The following DUSP29 variants were observed in gnomAD, a reference collection of about 807,000 sequenced individuals.
DUSP29 encodes the protein atypical dual-specific protein phosphatase.
A neutral mutation model predicts 13.5 loss-of-function variants in DUSP29; 12 were observed. The observed-to-expected ratio is 0.89, with a 90% CI of 0.57 to 1.44. The LOEUF (loss-of-function observed/expected upper bound fraction) is 1.44. Ranked by LOEUF, DUSP29 falls within the 40% of genes most tolerant of loss-of-function variation. The probability of loss-of-function intolerance (pLI) is 0.00; values close to 1 mark genes in which losing one functional copy is unlikely to be tolerated. For synonymous variants in DUSP29, 134 were observed against 128.7 expected (o/e 1.04, Z -0.28); for missense variants, 308 against 301.1 (o/e 1.02, Z -0.17).
chr10:75,059,884 C>T (rs897184636), intron 1 of DUSP29, among the ~76,000 whole-genome samples: 1 of 152,164 alleles, frequency 6.6e-6, no homozygotes, highest in Non-Finnish European at 1.5e-5. Flanking sequence ...GAAGGCCAGG[C>T]GCGGTGGCTC....
chr10:75,056,647 A>G (rs1253305298), intron 2 of DUSP29, among the ~76,000 whole-genome samples: 5 of 151,826 alleles, frequency 3.3e-5, no homozygotes, highest in Non-Finnish European at 7.4e-5. Flanking sequence ...AGCCTGGGTG[A>G]CAGAGGGAGA....
At position 75,050,856 on chromosome 10, in the gene DUSP29, G is replaced by A. The variant is rs539854385; in HGVS notation, c.201-6839C>T. Among the ~76,000 whole-genome samples the A allele has an allele frequency of 4.6e-5, 7 of 152,326 alleles. No individual in the cohort carries two copies. In the East Asian group the frequency reaches 9.6e-4, roughly 21 times the overall value. ...ACCCCTTCGACCCCTCTGCTGAGCC[G>A]GCAGAGTGAGCACCCTCCACGTTGC... On this transcript the variant is annotated intron_variant, in intron 2 of 3. Coordinates refer to ENST00000338487, the MANE Select transcript of DUSP29 (RefSeq NM_001003892.3).
At chr10:75,059,064 C>T (rs1479878930) in intron 1 of DUSP29, among the ~76,000 whole-genome samples, 1 of 152,194 alleles carries the variant, frequency 6.6e-6, no homozygotes, top group African/African-American at 2.4e-5. Context: ...GCCACACGCA[C>T]ATCAGCAGGA....
chr10:75,067,175 G>A (rs538992188), intron 1 of DUSP29, among the ~76,000 whole-genome samples: 1 of 152,062 alleles, frequency 6.6e-6, no homozygotes, highest in South Asian at 2.1e-4. Context: ...GACCAGGCTG[G>A]TCTCGGACTC....
intron 1 of DUSP29, among the ~76,000 whole-genome samples, chr10:75,068,292 G>A (rs1274079658): frequency 1.3e-5 from 2 of 152,114 alleles, no homozygotes; most frequent in African/African-American, 4.8e-5. Flanking sequence ...GCAACATGAT[G>A]AGACTCCCAT....
intron 1 of DUSP29, among the ~76,000 whole-genome samples, chr10:75,071,620 C>T (rs972411453): frequency 6.6e-6 from 1 of 152,182 alleles, no homozygotes; most frequent in Admixed American, 6.5e-5. Flanking sequence ...TCACCCTCAG[C>T]GCAGATCTGC....
intron 1 of DUSP29, among the ~76,000 whole-genome samples, chr10:75,059,974 C>A (rs1383751798): frequency 6.6e-6 from 1 of 152,056 alleles, no homozygotes; most frequent in Non-Finnish European, 1.5e-5. Flanking sequence ...GACTGCCTAA[C>A]ATGGCGAAAC....
chr10:75,070,727 T>C (rs1329420821), intron 1 of DUSP29, among the ~76,000 whole-genome samples: 1 of 152,132 alleles, frequency 6.6e-6, no homozygotes, highest in East Asian at 1.9e-4. Flanking sequence ...GCCTGAGCAT[T>C]GTCCTGTGGG....
At chr10:75,059,413 G>A (rs1847039416) in intron 1 of DUSP29, among the ~76,000 whole-genome samples, 1 of 152,172 alleles carries the variant, frequency 6.6e-6, no homozygotes. Context: ...AGAGAAGGAG[G>A]AAAAGGTGGG....
At position 75,062,014 on chromosome 10, in the gene DUSP29, C is replaced by T. The variant is rs151121139; in HGVS notation, c.-34-3466G>A. Among the ~76,000 whole-genome samples, 151 of 152,312 alleles carry T rather than the reference C, an allele frequency of 9.9e-4. 1 individual carries two copies. Among genetic ancestry groups the T allele is most frequent in the African/African-American group, 2.9e-3 (120 of 41,570 alleles). ...GCGCAGGGTGGGCTGCCCTCCCCCA[C>T]GGGTGGTCATTCAGGCCCAAACTCT... On this transcript the variant is annotated intron_variant, in intron 1 of 3. Coordinates refer to ENST00000338487, the MANE Select transcript of DUSP29 (RefSeq NM_001003892.3).
chr10:75,049,403 C>A (rs1182325357), intron 2 of DUSP29, among the ~76,000 whole-genome samples: 2 of 152,198 alleles, frequency 1.3e-5, no homozygotes, highest in African/African-American at 4.8e-5. Flanking sequence ...TGATTGGACT[C>A]GGCATTTGCC....
chr10:75,060,907 T>G (rs1847074533), intron 1 of DUSP29, among the ~76,000 whole-genome samples: 1 of 152,300 alleles, frequency 6.6e-6, no homozygotes, highest in African/African-American at 2.4e-5. Context: ...CTGAAATATT[T>G]GCTTCAAAAA....
chr10:75,047,184 C>T (rs778921626), intron 2 of DUSP29, among the ~76,000 whole-genome samples: 1 of 152,158 alleles, frequency 6.6e-6, no homozygotes, highest in Admixed American at 6.5e-5. Flanking sequence ...GCTCCCTGGA[C>T]GGGAAGGGGA....
At chr10:75,068,731 A>G (rs975753790) in intron 1 of DUSP29, among the ~76,000 whole-genome samples, 1 of 152,208 alleles carries the variant, frequency 6.6e-6, no homozygotes, top group African/African-American at 2.4e-5. Context: ...CTGCTAGGGT[A>G]CGTGGGGAGG....
At chr10:75,038,236 GTCT>G (rs1419633009) in intron 3 of DUSP29, among the ~76,000 whole-genome samples, 159 bp from the exon 4 acceptor site, 3 of 152,164 alleles carry the variant, frequency 2.0e-5, no homozygotes, top group Non-Finnish European at 4.4e-5. Context: ...CACTCTCGGT[GTCT>G]TCTTCATAGG....
Position 75,038,041 on chromosome 10 carries a change from C to T in DUSP29, c.458G>A (p.Arg153Gln), listed in dbSNP as rs576633285. 1.9e-5 allele frequency: 30 copies of T among 1,613,704 alleles called. No homozygotes were observed. The East Asian group carries it at 3.1e-4, about 17-fold the overall frequency. Residue 153 changes from arginine to glutamine, a missense_variant, in exon 4 of 4, where the codon CGG becomes CAG. Transcript: ENST00000338487. ...GTAGGCCAGGACCAGGGTGGCTGAC[C>T]GGCTGCGGCCCATGACGCAGTGAAC... is the stretch of plus-strand genomic sequence containing the variant. ...ILVHCVMGRS[R>Q]SATLVLAYLM...
intron 1 of DUSP29, among the ~76,000 whole-genome samples, chr10:75,071,666 T>A (rs986000435): frequency 2.0e-5 from 3 of 152,154 alleles, no homozygotes; most frequent in African/African-American, 7.2e-5. Context: ...CCAAGTGAGA[T>A]CCTGATACCG....
At chr10:75,057,646 A>G (rs72803478) in intron 2 of DUSP29, among the ~76,000 whole-genome samples, 7 of 152,270 alleles carry the variant, frequency 4.6e-5, no homozygotes, top group African/African-American at 7.2e-5. Flanking sequence ...TATCATTATT[A>G]ATATTATTTA....
intron 1 of DUSP29, among the ~76,000 whole-genome samples, chr10:75,058,935 GGAAGGC>G (rs1414253990): frequency 4.6e-5 from 7 of 152,206 alleles, no homozygotes; most frequent in African/African-American, 1.7e-4. Flanking sequence ...ACCCAAAATA[GGAAGGC>G]CCAGAAGATT....
Sources: allele counts gnomAD v4.1 joint callset (sites outside exome capture counted in the v4.1 genomes callset), GRCh38; gene constraint gnomAD v4.1.1; transcripts MANE v1.5; gene names NCBI Gene and HGNC (gene_info 2026-07-23, HGNC 2026-07-21).